Variants in CNBP observed in about 807,000 individuals in gnomAD.
CNBP encodes the protein cellular nucleic acid-binding protein.
In CNBP, 6 loss-of-function variants were observed where a neutral mutation model predicts 21.2. The observed-to-expected ratio is 0.28, with a 90% CI of 0.16 to 0.56. The LOEUF (loss-of-function observed/expected upper bound fraction) is 0.56. Ranked by LOEUF, CNBP falls within the 20% of genes least tolerant of loss-of-function variation. The probability of loss-of-function intolerance (pLI) is 0.93; values close to 1 mark genes in which losing one functional copy is unlikely to be tolerated. For missense variants in CNBP, 112 were observed against 233.1 expected (o/e 0.48, Z 3.38); for synonymous variants, 61 against 74.9 (o/e 0.81, Z 0.96).
chr3:129,170,306 T>G lies in CNBP; in HGVS notation c.*147A>C. On this transcript the variant is annotated 3_prime_UTR_variant, in exon 5 of 5. Transcript: ENST00000422453. ...AGTTAAATGCAGAAAGTCGGTTTTTTTCCACCCCTTTCCTCCTTTTACACG... is the reference window on the plus strand; with the variant it reads ...AGTTAAATGCAGAAAGTCGGTTTTTGTCCACCCCTTTCCTCCTTTTACACG... 1.5e-6 allele frequency: 1 copy of G among 687,806 alleles called. No individual in the cohort carries two copies. Among genetic ancestry groups the G allele is most frequent in the Non-Finnish European group, 2.6e-6 (1 of 391,466 alleles). The allele number at this position is 687,806 out of a possible 1,614,324, so 42.6% of individuals were successfully genotyped here.
At position 129,169,968 on chromosome 3, in the gene CNBP, C is replaced by A. The variant is rs1937539403; in HGVS notation, c.*485G>T. 4.3e-6 allele frequency: 1 copy of A among 232,974 alleles called. No homozygotes were observed. The highest frequency in any genetic ancestry group is 8.5e-6 in the Non-Finnish European group (1 of 117,746). 14.4% of individuals were successfully genotyped at this position (232,974 alleles called of 1,614,324 possible). On this transcript the variant is annotated 3_prime_UTR_variant, in exon 5 of 5. Coordinates refer to ENST00000422453, the MANE Select transcript of CNBP (RefSeq NM_003418.5). ...ACGCATGTTTATCTTTTTGTTTACT[C>A]CCACTCAACTGTATGTTCTATGTAG... is the stretch of plus-strand genomic sequence containing the variant.
intron 4 of CNBP, 46 bp from the exon 5 acceptor site, chr3:129,170,616 C>T: frequency 6.8e-7 from 1 of 1,480,528 alleles, no homozygotes; most frequent in Non-Finnish European, 9.4e-7. Flanking sequence ...CAGAAAAAAA[C>T]TGTCTACCAA....
Position 129,169,429 on chromosome 3 carries a change from T to A in CNBP, c.*1024A>T, listed in dbSNP as rs927142196. ...ATCCCATACATCCTTTTAACAGCAA[T>A]TTTCATTATTGAAGACATGACTTAA... On this transcript the variant is annotated 3_prime_UTR_variant, in exon 5 of 5. Coordinates refer to ENST00000422453, the MANE Select transcript of CNBP (RefSeq NM_003418.5). 5.2e-6 allele frequency: 1 copy of A among 192,936 alleles called. No homozygotes were observed. The highest frequency in any genetic ancestry group is 1.1e-5 in the Non-Finnish European group (1 of 92,448). The allele number at this position is 192,936 out of a possible 1,614,324, so 12.0% of individuals were successfully genotyped here.
At chr3:129,183,446 C>G (rs1188414771) in intron 1 of CNBP, among the ~76,000 whole-genome samples, 1 of 152,258 alleles carries the variant, frequency 6.6e-6, no homozygotes, top group Non-Finnish European at 1.5e-5. Flanking sequence ...ACCCTCGAAG[C>G]GTCAGGGCCT....
At chr3:129,180,907 A>G (rs1354149970) in intron 1 of CNBP, among the ~76,000 whole-genome samples, 2 of 152,050 alleles carry the variant, frequency 1.3e-5, no homozygotes, top group African/African-American at 2.4e-5. Context: ...GTACTATCCC[A>G]TATACGTGCC....
At chr3:129,181,652 A>AAAAAAAAAAAAAAAG (rs1355831775) in intron 1 of CNBP, among the ~76,000 whole-genome samples, 1 of 148,326 alleles carries the variant, frequency 6.7e-6, no homozygotes, top group Non-Finnish European at 1.5e-5. Flanking sequence ...TCCGTCTCAG[A>AAAAAAAAAAAAAAAG]AAAAAAAAAA....
chr3:129,175,048 T>C (rs1234760668), intron 1 of CNBP, among the ~76,000 whole-genome samples: 1 of 151,450 alleles, frequency 6.6e-6, no homozygotes, highest in African/African-American at 2.4e-5. Context: ...AACACAAAAT[T>C]AGGGCAGGCG....
intron 1 of CNBP, among the ~76,000 whole-genome samples, chr3:129,175,650 G>A (rs897141090): frequency 2.0e-5 from 3 of 152,010 alleles, no homozygotes; most frequent in Admixed American, 6.5e-5. Flanking sequence ...GGATGGTCTC[G>A]ATCTCCTGAC....
chr3:129,175,279 G>C lies in CNBP; in HGVS notation c.-14-3508C>G, dbSNP rs192053374. Among the ~76,000 whole-genome samples the C allele has an allele frequency of 4.0e-4, 61 of 151,756 alleles. No homozygotes were observed. In the East Asian group the frequency reaches 1.0e-2, roughly 25 times the overall value. On this transcript the variant is annotated intron_variant, in intron 1 of 4. Coordinates refer to ENST00000422453, the MANE Select transcript of CNBP (RefSeq NM_003418.5). Reference sequence around the variant, plus strand: ...GTGGAGGTTGCAGTGAGCTGAGACTGGGCCACCACACTCCAACCTGGGTGA... The same window carrying C: ...GTGGAGGTTGCAGTGAGCTGAGACTCGGCCACCACACTCCAACCTGGGTGA...
chr3:129,171,766 TC>T lies in CNBP; in HGVS notation c.-10del. On this transcript the variant is annotated 5_prime_UTR_variant, in exon 2 of 5. Transcript: ENST00000422453. ...CACTCATTGCTGCTCATGGCTGCAG[TC>T]AGATCTTTGAAATATTAAAAGTAAC... is the stretch of plus-strand genomic sequence containing the variant. The T allele has an allele frequency of 6.2e-7, 1 of 1,611,076 alleles. No homozygotes were observed. The highest frequency in any genetic ancestry group is 8.5e-7 in the Non-Finnish European group (1 of 1,178,790).
In CNBP at chr3:129,171,432, T is replaced by C; in HGVS notation, c.217+14A>G. 6.2e-7 allele frequency: 1 copy of C among 1,609,762 alleles called. No homozygotes were observed. Among genetic ancestry groups the C allele is most frequent in the Non-Finnish European group, 8.5e-7 (1 of 1,175,952 alleles). On this transcript the variant is annotated intron_variant, in intron 3 of 4. Transcript: ENST00000422453. ...GCTCTAGAGGGGTATGAAAAGGAAG[T>C]GTTAAATACTTACCATCCTCCTGAA... is the stretch of plus-strand genomic sequence containing the variant.
chr3:129,178,896 C>T (rs919805888), intron 1 of CNBP, among the ~76,000 whole-genome samples: 11 of 152,208 alleles, frequency 7.2e-5, no homozygotes, highest in South Asian at 2.1e-4. Flanking sequence ...GTGCCCACCA[C>T]GACGCCTGGC....
intron 1 of CNBP, among the ~76,000 whole-genome samples, chr3:129,179,116 A>G (rs1217812156): frequency 2.0e-5 from 3 of 152,040 alleles, no homozygotes; most frequent in Non-Finnish European, 2.9e-5. Flanking sequence ...CGTCTCTACT[A>G]AAAACACAAA....
Position 129,168,779 on chromosome 3 carries a change from G to C in CNBP, c.*1674C>G, listed in dbSNP as rs1025076925. ...AGTTGGAGACCAGCCCGACCAACAT[G>C]ATGAAACCCAGTCTCTACTAAAAAT... is the stretch of plus-strand genomic sequence containing the variant. On this transcript the variant is annotated 3_prime_UTR_variant, in exon 5 of 5. Coordinates refer to ENST00000422453, the MANE Select transcript of CNBP (RefSeq NM_003418.5). Among the ~76,000 whole-genome samples the C allele has an allele frequency of 6.6e-6, 1 of 151,932 alleles. No individual in the cohort carries two copies. Among genetic ancestry groups the C allele is most frequent in the Admixed American group, 6.6e-5 (1 of 15,240 alleles).
At chr3:129,178,063 G>C (rs766757465) in intron 1 of CNBP, among the ~76,000 whole-genome samples, 1 of 148,960 alleles carries the variant, frequency 6.7e-6, no homozygotes, top group Admixed American at 6.9e-5. Flanking sequence ...GGAGGCTGAC[G>C]CACAAGAATT....
chr3:129,182,993 C>A (rs1388289058), intron 1 of CNBP, among the ~76,000 whole-genome samples: 1 of 151,950 alleles, frequency 6.6e-6, no homozygotes, highest in Non-Finnish European at 1.5e-5. Flanking sequence ...TCTCTGTTGC[C>A]CATGCTGGAG....
intron 1 of CNBP, among the ~76,000 whole-genome samples, chr3:129,181,773 T>C (rs907047715): frequency 6.6e-6 from 1 of 152,060 alleles, no homozygotes; most frequent in African/African-American, 2.4e-5. Context: ...GACCTTTGGT[T>C]CCTCAGAAAA....
chr3:129,174,366 A>AAAAAC, intron 1 of CNBP, among the ~76,000 whole-genome samples: 1 of 149,564 alleles, frequency 6.7e-6, no homozygotes, highest in African/African-American at 2.5e-5. Context: ...AAAAAAAAAA[A>AAAAAC]AAAAAAAACG....
chr3:129,183,701 C>T (rs1180077689), intron 1 of CNBP, 75 bp downstream of exon 1: 3 of 152,940 alleles, frequency 2.0e-5, no homozygotes, highest in African/African-American at 7.2e-5. Flanking sequence ...TCGCCGCTCC[C>T]TACCCTCTCT....
Sources: gnomAD v4.1 joint callset for allele counts (sites outside exome capture counted in the v4.1 genomes callset) on GRCh38, gnomAD v4.1.1 for gene constraint, MANE v1.5 for transcripts, NCBI Gene and HGNC (gene_info 2026-07-23, HGNC 2026-07-21) for gene names.